The following EDN3 variants were observed in gnomAD, a reference collection of about 807,000 sequenced individuals.
The protein encoded by EDN3 is endothelin 3.
EDN3 carries 9 observed loss-of-function variants against 21.4 expected under a neutral mutation model. That is an observed-to-expected ratio of 0.42 (90% CI 0.25 to 0.73). EDN3 has a LOEUF of 0.73. EDN3 is among the 30% of genes least tolerant of loss of function. The probability of loss-of-function intolerance (pLI) is 0.26; values close to 1 mark genes in which losing one functional copy is unlikely to be tolerated. For missense variants in EDN3, 327 were observed against 309.4 expected (o/e 1.06, Z -0.43); for synonymous variants, 133 against 126.2 (o/e 1.05, Z -0.36).
intron 3 of EDN3, among the ~76,000 whole-genome samples, chr20:59,321,711 A>G (rs750806720): frequency 4.6e-5 from 7 of 152,084 alleles, no homozygotes; most frequent in Admixed American, 1.3e-4. Context: ...TTTGAGTAGG[A>G]TGTGCAATAT....
chr20:59,301,034 A>AC (rs757452488), intron 1 of EDN3, among the ~76,000 whole-genome samples, 170 bp downstream of exon 1: 7 of 152,188 alleles, frequency 4.6e-5, no homozygotes, highest in Middle Eastern at 3.2e-3. Flanking sequence ...GCGGCGCGCA[A>AC]CGACTACCCG....
intron 4 of EDN3, among the ~76,000 whole-genome samples, chr20:59,323,177 G>A (rs1412843074): frequency 1.3e-5 from 2 of 152,132 alleles, no homozygotes; most frequent in East Asian, 1.9e-4. Context: ...GTGGCAGATC[G>A]CTTCTAGTCT....
intron 2 of EDN3, among the ~76,000 whole-genome samples, chr20:59,319,248 G>A (rs1990373931): frequency 6.6e-6 from 1 of 152,012 alleles, no homozygotes. Context: ...AACAGGGTGG[G>A]GTCAGTTTTA....
intron 1 of EDN3, 71 bp from the exon 2 acceptor site, chr20:59,301,339 G>A: frequency 4.5e-6 from 7 of 1,556,432 alleles, no homozygotes; most frequent in Non-Finnish European, 1.7e-6. Flanking sequence ...CCCTCCTCAG[G>A]TGTTTGGGGG....
intron 2 of EDN3, among the ~76,000 whole-genome samples, chr20:59,319,694 C>A (rs1333889055): frequency 6.8e-6 from 1 of 146,538 alleles, no homozygotes; most frequent in African/African-American, 2.6e-5. Context: ...CCATTGCACT[C>A]CAGCCTGGGC....
At chr20:59,304,462 T>C (rs913765046) in intron 2 of EDN3, among the ~76,000 whole-genome samples, 1 of 152,242 alleles carries the variant, frequency 6.6e-6, no homozygotes, top group Non-Finnish European at 1.5e-5. Context: ...GCAGCTGTTC[T>C]GGGCACGAGA....
In EDN3 at chr20:59,301,681, C is replaced by T; in HGVS notation, c.324C>T (p.Val108=). The T allele has an allele frequency of 6.2e-7, 1 of 1,614,206 alleles. No homozygotes were observed. Among genetic ancestry groups the T allele is most frequent in the Non-Finnish European group, 8.5e-7 (1 of 1,180,024 alleles). Residue 108 remains valine (V), a synonymous_variant, in exon 2 of 5, where the codon GTC becomes GTT. Coordinates refer to ENST00000337938, the MANE Select transcript of EDN3 (RefSeq NM_207034.3). ...TCACCTACAAGGACAAGGAGTGTGT[C>T]TACTATTGCCACCTGGACATCATTT... ...TCFTYKDKEC[V]YYCHLDIIWI... is the part of the protein sequence containing the mutation.
At chr20:59,301,028 C>T (rs2146811738) in intron 1 of EDN3, among the ~76,000 whole-genome samples, 164 bp downstream of exon 1, 1 of 152,324 alleles carries the variant, frequency 6.6e-6, no homozygotes, top group East Asian at 1.9e-4. Context: ...GCAGAAGCGG[C>T]GCGCAACGAC....
intron 2 of EDN3, among the ~76,000 whole-genome samples, chr20:59,304,711 A>C (rs762245624): frequency 2.6e-5 from 4 of 152,030 alleles, no homozygotes; most frequent in Non-Finnish European, 4.4e-5. Flanking sequence ...CCTCAAGGGA[A>C]GTTAACTGTC....
intron 2 of EDN3, among the ~76,000 whole-genome samples, chr20:59,310,290 G>A (rs557397882): frequency 6.6e-6 from 1 of 152,282 alleles, no homozygotes; most frequent in Admixed American, 6.5e-5. Context: ...TCATGTTTCA[G>A]TTGAAACAGA....
At chr20:59,306,550 A>G (rs1989422252) in intron 2 of EDN3, among the ~76,000 whole-genome samples, 1 of 146,986 alleles carries the variant, frequency 6.8e-6, no homozygotes, top group Admixed American at 6.9e-5. Flanking sequence ...TCCAGCAGGA[A>G]TGCCATTTCT....
At chr20:59,319,561 A>T (rs562185209) in intron 2 of EDN3, among the ~76,000 whole-genome samples, 1 of 152,002 alleles carries the variant, frequency 6.6e-6, no homozygotes, top group South Asian at 2.1e-4. Flanking sequence ...AATACAAATA[A>T]TAACAATAAT....
At chr20:59,304,826 A>G (rs919950935) in intron 2 of EDN3, among the ~76,000 whole-genome samples, 4 of 151,960 alleles carry the variant, frequency 2.6e-5, no homozygotes, top group African/African-American at 4.8e-5. Context: ...TCCCCTCCTT[A>G]GTCCTTCCAG....
rs759572315 is a variant in EDN3, at chr20:59,300,797, C to G, written c.-16C>G. Reference sequence around the variant, plus strand: ...CCGTCCTCCTGGTCCGGTGCTCCGGCGCCTGATCTAGGTTCATGGAGCCGG... The same window carrying G: ...CCGTCCTCCTGGTCCGGTGCTCCGGGGCCTGATCTAGGTTCATGGAGCCGG... On this transcript the variant is annotated 5_prime_UTR_variant, in exon 1 of 5. Transcript: ENST00000337938. 4 of 1,607,846 alleles carry G rather than the reference C, an allele frequency of 2.5e-6. No individual in the cohort carries two copies. Among genetic ancestry groups the G allele is most frequent in the Admixed American group, 3.4e-5 (2 of 59,672 alleles).
intron 2 of EDN3, among the ~76,000 whole-genome samples, chr20:59,303,526 C>T (rs574539208): frequency 2.4e-4 from 36 of 152,290 alleles, no homozygotes; most frequent in Middle Eastern, 6.8e-3. Context: ...AAGAAGAAAG[C>T]TAATGGAATT....
At position 59,310,894 on chromosome 20, in the gene EDN3, G is replaced by C. The variant is rs772887425; in HGVS notation, c.365+9172G>C. On this transcript the variant is annotated intron_variant, in intron 2 of 4. Coordinates refer to ENST00000337938, the MANE Select transcript of EDN3 (RefSeq NM_207034.3). ...AGCAGAGGTCCATGTAACTTTTCTG[G>C]ATTTTTAGGAATCTGATTTCCATGG... Among the ~76,000 whole-genome samples, 6 of 152,196 alleles carry C rather than the reference G, an allele frequency of 3.9e-5. No individual in the cohort carries two copies. In the East Asian group the frequency reaches 1.2e-3, roughly 29 times the overall value.
Position 59,322,931 on chromosome 20 carries a change from AT to A in EDN3, c.588+522del, listed in dbSNP as rs11481438. Among the ~76,000 whole-genome samples, 4 of 151,804 alleles carry A rather than the reference AT, an allele frequency of 2.6e-5. No individual in the cohort carries two copies. Among genetic ancestry groups the A allele is most frequent in the African/African-American group, 9.7e-5 (4 of 41,296 alleles). ...CCTTGGTTCTCCAGTTCATTGTATT[AT>A]TTTTTTTAACCCACTTGTCTTTTTT... On this transcript the variant is annotated intron_variant, in intron 4 of 4. Coordinates refer to ENST00000337938, the MANE Select transcript of EDN3 (RefSeq NM_207034.3). This position sits in a 1 kb window ranked among gnomAD's most constrained non-coding sequence, Gnocchi z 4.1.
chr20:59,309,766 A>C (rs1010129112), intron 2 of EDN3, among the ~76,000 whole-genome samples: 1 of 152,182 alleles, frequency 6.6e-6, no homozygotes, highest in African/African-American at 2.4e-5. Context: ...GTTTGTTGGA[A>C]AGGTCAGTCC....
Position 59,322,244 on chromosome 20 carries a change from G to T in EDN3, c.543-128G>T. The T allele has an allele frequency of 9.8e-7, 1 of 1,022,618 alleles. No homozygotes were observed. Among genetic ancestry groups the T allele is most frequent in the Non-Finnish European group, 1.5e-6 (1 of 656,258 alleles). The allele number at this position is 1,022,618 out of a possible 1,614,324, so 63.3% of individuals were successfully genotyped here. A position where few individuals can be genotyped will look rare whatever the true frequency, so the allele number is the denominator to read the frequency against. On this transcript the variant is annotated intron_variant, in intron 3 of 4. Coordinates refer to ENST00000337938, the MANE Select transcript of EDN3 (RefSeq NM_207034.3). The surrounding 1 kb of genome is among the most constrained non-coding windows in gnomAD (Gnocchi z 4.1). Reference sequence around the variant, plus strand: ...TGCTCAGCCTTCAGAAACTGTGCCTGAGACGCAGTCCTTGGGGAACGCACT... The same window carrying T: ...TGCTCAGCCTTCAGAAACTGTGCCTTAGACGCAGTCCTTGGGGAACGCACT...
Sources: gnomAD v4.1 joint callset for allele counts (sites outside exome capture counted in the v4.1 genomes callset) on GRCh38, gnomAD v4.1.1 for gene constraint, Gnocchi (gnomAD v3.1) non-coding constraint, MANE v1.5 for transcripts, NCBI Gene and HGNC (gene_info 2026-07-23, HGNC 2026-07-21) for gene names.